The following PCDHGA3 variants were observed in gnomAD, a reference collection of about 807,000 sequenced individuals.
PCDHGA3 encodes the protein protocadherin gamma-A3.
In PCDHGA3, 40 loss-of-function variants were observed where a neutral mutation model predicts 58.5. That is an observed-to-expected ratio of 0.68 (90% CI 0.53 to 0.89). The LOEUF (loss-of-function observed/expected upper bound fraction) is 0.89, where lower values mean the gene tolerates loss of function less well. Among genes scored for constraint, PCDHGA3 ranks in the 40% least tolerant of loss-of-function variants. PCDHGA3 has a pLI of 0.00. For synonymous variants in PCDHGA3, 530 were observed against 525.7 expected, an observed-to-expected ratio of 1.01 and a Z score of -0.11; for missense variants, 1,223 against 1,195.9, an observed-to-expected ratio of 1.02 and a Z score of -0.33.
Position 141,489,213 on chromosome 5 carries a change from T to G in PCDHGA3, c.2425-5594T>G, listed in dbSNP as rs372898969. 11 of 1,473,392 alleles carry G rather than the reference T, an allele frequency of 7.5e-6. No homozygotes were observed. The highest frequency in any genetic ancestry group is 6.4e-6 in the Non-Finnish European group (7 of 1,091,332). 91.3% of individuals were successfully genotyped at this position (1,473,392 alleles called of 1,614,324 possible). On this transcript the variant is annotated intron_variant, in intron 1 of 3. Coordinates refer to ENST00000253812, the MANE Select transcript of PCDHGA3 (RefSeq NM_018916.4). This position sits in a 1 kb window ranked among gnomAD's most constrained non-coding sequence, Gnocchi z 4.5. Reference sequence around the variant, plus strand: ...ACCTTGGAGACAGGACAGCACAGACTTACTCTCCACAAAGGGACTTCTGGG... The same window carrying G: ...ACCTTGGAGACAGGACAGCACAGACGTACTCTCCACAAAGGGACTTCTGGG...
chr5:141,348,503 G>T (rs1758133060), intron 1 of PCDHGA3, among the ~76,000 whole-genome samples: 1 of 152,108 alleles, frequency 6.6e-6, no homozygotes, highest in Non-Finnish European at 1.5e-5. Context: ...AAATTAATTA[G>T]CTGTGTCAGG....
chr5:141,366,298 C>A, intron 1 of PCDHGA3: 1 of 1,613,766 alleles, frequency 6.2e-7, no homozygotes, highest in Non-Finnish European at 8.5e-7. Flanking sequence ...CTCTGTCAGC[C>A]ACCTTCACGG....
chr5:141,509,155 C>G (rs981661695), intron 3 of PCDHGA3, among the ~76,000 whole-genome samples: 3 of 152,202 alleles, frequency 2.0e-5, no homozygotes, highest in Non-Finnish European at 4.4e-5. Flanking sequence ...GCTCTCCCCT[C>G]CCGTGTGCCC....
At chr5:141,400,059 T>C (rs2093953035) in intron 1 of PCDHGA3, 2 of 1,613,750 alleles carry the variant, frequency 1.2e-6, no homozygotes, top group South Asian at 2.2e-5. Context: ...CTGTGCGTGA[T>C]GGTGGACAGC....
At chr5:141,410,688 A>G in intron 1 of PCDHGA3, 1 of 1,519,164 alleles carries the variant, frequency 6.6e-7, no homozygotes, top group South Asian at 1.3e-5. Flanking sequence ...TAGGCATACT[A>G]CTTTATTTTC....
At position 141,393,564 on chromosome 5, in the gene PCDHGA3, G is replaced by A; in HGVS notation, c.2424+47107G>A. On this transcript the variant is annotated intron_variant, in intron 1 of 3. Coordinates refer to ENST00000253812, the MANE Select transcript of PCDHGA3 (RefSeq NM_018916.4). ...TCCTCACCCGATTTACCGAGTGAAA[G>A]TCCTTGAGAACATGCCCCCAGGCAC... is the stretch of plus-strand genomic sequence containing the variant. 1 of 1,613,932 alleles carries A rather than the reference G, an allele frequency of 6.2e-7. No individual in the cohort carries two copies. Among genetic ancestry groups the A allele is most frequent in the Non-Finnish European group, 8.5e-7 (1 of 1,179,894 alleles).
chr5:141,370,833 C>G (rs1305609320), intron 1 of PCDHGA3: 2 of 1,614,064 alleles, frequency 1.2e-6, no homozygotes. Context: ...CGAACTGGCT[C>G]TCACTGGAGC....
chr5:141,431,547 T>TA lies in PCDHGA3; in HGVS notation c.2425-63259dup. On this transcript the variant is annotated intron_variant, in intron 1 of 3. Transcript: ENST00000253812. The surrounding 1 kb of genome is among the most constrained non-coding windows in gnomAD (Gnocchi z 4.8). ...CTGGCCTTGGGCACGCAGCTGCTTG[T>TA]AGTCAACGCTACCGACCCTGACGAA... 6.2e-7 allele frequency: 1 copy of TA among 1,614,096 alleles called. No individual in the cohort carries two copies. The highest frequency in any genetic ancestry group is 8.5e-7 in the Non-Finnish European group (1 of 1,180,022).
chr5:141,482,763 T>TGC (rs2099571981), intron 1 of PCDHGA3, among the ~76,000 whole-genome samples: 1 of 127,550 alleles, frequency 7.8e-6, no homozygotes, highest in African/African-American at 3.6e-5. Flanking sequence ...GGTATTTCAT[T>TGC]ATCACTGAAC....
chr5:141,499,174 C>T (rs930279867), intron 2 of PCDHGA3, among the ~76,000 whole-genome samples: 20 of 152,198 alleles, frequency 1.3e-4, no homozygotes, highest in Middle Eastern at 3.4e-3. Flanking sequence ...AGCTCTGAGC[C>T]CAGCAAACCA....
chr5:141,422,078 A>G lies in PCDHGA3; in HGVS notation c.2425-72729A>G, dbSNP rs1442545718. 11 of 1,612,298 alleles carry G rather than the reference A, an allele frequency of 6.8e-6. No homozygotes were observed. In the South Asian group the frequency reaches 8.8e-5, roughly 13 times the overall value. Reference sequence around the variant, plus strand: ...GGGGAAGTAATGTATTCATTTCGGAACATGGAAAGCAAGGCTTCTGAAATA... The same window carrying G: ...GGGGAAGTAATGTATTCATTTCGGAGCATGGAAAGCAAGGCTTCTGAAATA... On this transcript the variant is annotated intron_variant, in intron 1 of 3. Coordinates refer to ENST00000253812, the MANE Select transcript of PCDHGA3 (RefSeq NM_018916.4).
intron 1 of PCDHGA3, chr5:141,413,247 C>T (rs1168509242): frequency 1.2e-6 from 2 of 1,613,822 alleles, no homozygotes; most frequent in African/African-American, 2.7e-5. Flanking sequence ...GCCTTTTCTT[C>T]GGGATTCCAT....
rs145288114 is a variant in PCDHGA3 at position 141,477,334 on chromosome 5, C to T, written c.2425-17473C>T. On this transcript the variant is annotated intron_variant, in intron 1 of 3. Coordinates refer to ENST00000253812, the MANE Select transcript of PCDHGA3 (RefSeq NM_018916.4). This position sits in a 1 kb window ranked among gnomAD's most constrained non-coding sequence, Gnocchi z 4.9. ...GCCTTACTTCTTCCCTCAAGAATTA[C>T]TTCACTTTGAAAACCAGTGCAGACC... is the stretch of plus-strand genomic sequence containing the variant. 1.3e-4 allele frequency: 215 copies of T among 1,614,074 alleles called. No homozygotes were observed. Among genetic ancestry groups the T allele is most frequent in the Non-Finnish European group, 1.8e-4 (210 of 1,180,044 alleles).
At chr5:141,427,869 A>G in intron 1 of PCDHGA3, 3 of 1,559,604 alleles carry the variant, frequency 1.9e-6, no homozygotes, top group Non-Finnish European at 2.6e-6. Flanking sequence ...CTTCGAGCTC[A>G]CGATGCAGGC....
At chr5:141,423,841 T>A (rs1413277726) in intron 1 of PCDHGA3, 15 of 1,282,014 alleles carry the variant, frequency 1.2e-5, no homozygotes, top group Non-Finnish European at 1.4e-5. Context: ...ATTACGATAA[T>A]CTTTCAGAAC....
At position 141,489,220 on chromosome 5, in the gene PCDHGA3, C is replaced by T; in HGVS notation, c.2425-5587C>T. ...AGACAGGACAGCACAGACTTACTCT[C>T]CACAAAGGGACTTCTGGGTCATGGG... On this transcript the variant is annotated intron_variant, in intron 1 of 3. Transcript: ENST00000253812. This position sits in a 1 kb window ranked among gnomAD's most constrained non-coding sequence, Gnocchi z 4.5. The T allele has an allele frequency of 6.6e-7, 1 of 1,508,698 alleles. No homozygotes were observed. The highest frequency in any genetic ancestry group is 8.9e-7 in the Non-Finnish European group (1 of 1,122,110). The allele number at this position is 1,508,698 out of a possible 1,614,324, so 93.5% of individuals were successfully genotyped here.
At chr5:141,350,677 T>C (rs748787935) in intron 1 of PCDHGA3, 2 of 1,614,020 alleles carry the variant, frequency 1.2e-6, no homozygotes, top group Admixed American at 1.7e-5. Flanking sequence ...ACTTAGAAAT[T>C]TGTGAGTCAG....
Position 141,366,322 on chromosome 5 carries a change from G to T in PCDHGA3, c.2424+19865G>T, listed in dbSNP as rs1764494961. 3.1e-6 allele frequency: 5 copies of T among 1,613,654 alleles called. No individual in the cohort carries two copies. The South Asian group carries it at 5.5e-5, about 18-fold the overall frequency. On this transcript the variant is annotated intron_variant, in intron 1 of 3. Transcript: ENST00000253812. ...CCACCTTCACGGTCACCGTTGCCGT[G>T]GCCGACAGGATCCCTGACATCCTGG... is the stretch of plus-strand genomic sequence containing the variant.
chr5:141,375,635 C>T (rs776372663), intron 1 of PCDHGA3: 4 of 1,614,096 alleles, frequency 2.5e-6, no homozygotes, highest in Non-Finnish European at 1.7e-6. Flanking sequence ...GTACGCCCTG[C>T]GCTCCTTCGA....
Sources: allele counts gnomAD v4.1 joint callset (sites outside exome capture counted in the v4.1 genomes callset), GRCh38; gene constraint gnomAD v4.1.1; non-coding constraint Gnocchi (gnomAD v3.1); transcripts MANE v1.5; gene names NCBI Gene and HGNC (gene_info 2026-07-23, HGNC 2026-07-21).